Variants in TLN2 observed in about 807,000 individuals in gnomAD.
The protein encoded by TLN2 is talin-2.
TLN2 carries 118 observed loss-of-function variants against 294.7 expected under a neutral mutation model. That is an observed-to-expected ratio of 0.40 (90% confidence interval 0.34 to 0.47). The LOEUF is 0.47. TLN2 is among the 20% of genes least tolerant of loss of function. The probability of loss-of-function intolerance (pLI) is 0.84; values close to 1 mark genes in which losing one functional copy is unlikely to be tolerated. For missense variants in TLN2, 3,083 were observed against 3,282.2 expected, an observed-to-expected ratio of 0.94 and a Z score of 1.48; for synonymous variants, 1,431 against 1,304.5, an observed-to-expected ratio of 1.10 and a Z score of -2.09.
intron 1 of TLN2, among the ~76,000 whole-genome samples, chr15:62,404,507 C>T (rs560802037): frequency 1.8e-4 from 27 of 152,250 alleles, no homozygotes; most frequent in East Asian, 3.9e-4. Flanking sequence ...GCCCTCTCTG[C>T]GCTGCTTTCA....
intron 22 of TLN2, among the ~76,000 whole-genome samples, chr15:62,715,358 A>G (rs184272597): frequency 5.1e-4 from 77 of 152,360 alleles, no homozygotes; most frequent in African/African-American, 1.8e-3. Flanking sequence ...GAAAGCGTTC[A>G]TAGGAAGAAA....
chr15:62,404,077 G>C (rs2033225492), intron 1 of TLN2, among the ~76,000 whole-genome samples: 1 of 152,220 alleles, frequency 6.6e-6, no homozygotes, highest in Non-Finnish European at 1.5e-5. Flanking sequence ...TGAGGGAATG[G>C]AAGTCTTTTC....
chr15:62,786,700 C>T (rs1347346603), intron 45 of TLN2, among the ~76,000 whole-genome samples: 1 of 152,122 alleles, frequency 6.6e-6, no homozygotes, highest in Non-Finnish European at 1.5e-5. Flanking sequence ...GCCCTTTCCC[C>T]CAGATGAAAT....
intron 1 of TLN2, among the ~76,000 whole-genome samples, chr15:62,580,414 C>CGCTCCCTCCCTCCCTCCCTT (rs2044844602): frequency 7.0e-6 from 1 of 143,708 alleles, no homozygotes; most frequent in Admixed American, 6.9e-5. Context: ...CTCCCTCCCT[C>CGCTCCCTCCCTCCCTCCCTT]CCTCCCTCCC....
intron 57 of TLN2, 151 bp downstream of exon 57, chr15:62,836,224 A>G (rs980479472): frequency 2.8e-6 from 3 of 1,073,458 alleles, no homozygotes; most frequent in Non-Finnish European, 4.0e-6. Flanking sequence ...GCGTGCGTCC[A>G]TGCATCCTCC....
chr15:62,714,446 C>T (rs184599259), intron 22 of TLN2, among the ~76,000 whole-genome samples: 3 of 152,128 alleles, frequency 2.0e-5, no homozygotes, highest in African/African-American at 7.2e-5. Flanking sequence ...TTGTGATCCA[C>T]CCGCCTCGGC....
intron 1 of TLN2, among the ~76,000 whole-genome samples, chr15:62,491,104 C>T (rs936021759): frequency 6.6e-6 from 1 of 152,056 alleles, no homozygotes; most frequent in Admixed American, 6.6e-5. Flanking sequence ...GGCAGATCAC[C>T]TGAGGTCAGG....
chr15:62,429,555 G>T (rs760156505), intron 1 of TLN2, among the ~76,000 whole-genome samples: 1 of 152,048 alleles, frequency 6.6e-6, no homozygotes, highest in African/African-American at 2.4e-5. Flanking sequence ...CACTCTGGCC[G>T]ATGTATTTAA....
At chr15:62,398,953 G>C (rs2032784765) in intron 1 of TLN2, among the ~76,000 whole-genome samples, 1 of 152,146 alleles carries the variant, frequency 6.6e-6, no homozygotes, top group Non-Finnish European at 1.5e-5. Context: ...AGGCCTAGGA[G>C]GGAAAAATGG....
chr15:62,802,359 G>A lies in TLN2; in HGVS notation c.6477+1590G>A, dbSNP rs576424129. Among the ~76,000 whole-genome samples, 85 of 151,132 alleles carry A rather than the reference G, an allele frequency of 5.6e-4. 3 individuals are homozygous for A. The South Asian group carries it at 0.017, about 31-fold the overall frequency. On this transcript the variant is annotated intron_variant, in intron 50 of 58. Coordinates refer to ENST00000636159, the MANE Select transcript of TLN2 (RefSeq NM_015059.3). The stretch of plus-strand genomic sequence containing the variant: ...ATGTGTACCACAGTAGCCAAGATTT[G>A]GAAGCAACCTAAGTGTCCATCAACA...
intron 1 of TLN2, among the ~76,000 whole-genome samples, chr15:62,543,753 CAAAA>C (rs11386820): frequency 1.8e-5 from 2 of 110,106 alleles, no homozygotes; most frequent in Non-Finnish European, 2.0e-5. Flanking sequence ...GATTCTGTCT[CAAAA>C]AAAAAAAAAA....
At position 62,762,323 on chromosome 15, in the gene TLN2, A is replaced by C. The variant is rs1406674251; in HGVS notation, c.4831A>C (p.Ser1611Arg). 6.2e-7 allele frequency: 1 copy of C among 1,614,092 alleles called. No homozygotes were observed. The highest frequency in any genetic ancestry group is 8.5e-7 in the Non-Finnish European group (1 of 1,180,018). ...ILVSAKTMLE[S>R]SSYLIRTARS... ...GGTCTCAGCCAAGACCATGCTGGAG[A>C]GTTCATCGTACCTCATTCGCACTGC... Residue 1611 changes from serine to arginine, a missense_variant, in exon 39 of 59, where the codon AGT becomes CGT. Physicochemically the swap from Ser to Arg is moderately radical, Grantham distance 110. Coordinates refer to ENST00000636159, the MANE Select transcript of TLN2 (RefSeq NM_015059.3).
chr15:62,600,903 T>G (rs2140779466), intron 2 of TLN2, among the ~76,000 whole-genome samples: 1 of 152,354 alleles, frequency 6.6e-6, no homozygotes, highest in Non-Finnish European at 1.5e-5. Flanking sequence ...GTAAACGTTA[T>G]TAATATTTTC....
At position 62,680,616 on chromosome 15, in the gene TLN2, G is replaced by GT. The variant is rs1228927104; in HGVS notation, c.957+5303dup. Among the ~76,000 whole-genome samples, 8 of 150,840 alleles carry GT rather than the reference G, an allele frequency of 5.3e-5. No individual in the cohort carries two copies. In the South Asian group the frequency reaches 8.4e-4, roughly 16 times the overall value. On this transcript the variant is annotated intron_variant, in intron 11 of 58. Transcript: ENST00000636159. ...TTTCAATAGCTTTTGGGGTATAAGCGTTTTTTTTGTTACATGGGTGAATTA... is the reference window on the plus strand; with the variant it reads ...TTTCAATAGCTTTTGGGGTATAAGCGTTTTTTTTTGTTACATGGGTGAATTA...
chr15:62,660,166 A>G (rs2053659796), intron 9 of TLN2, among the ~76,000 whole-genome samples: 1 of 152,218 alleles, frequency 6.6e-6, no homozygotes, highest in Non-Finnish European at 1.5e-5. Context: ...GAATGTGAAC[A>G]AGGGCATATC....
At chr15:62,633,892 T>C (rs2050144287) in intron 3 of TLN2, among the ~76,000 whole-genome samples, 1 of 152,182 alleles carries the variant, frequency 6.6e-6, no homozygotes, top group Non-Finnish European at 1.5e-5. Context: ...CTCTGAAGGC[T>C]GTGAGGGAAG....
intron 19 of TLN2, among the ~76,000 whole-genome samples, chr15:62,706,410 G>C (rs888522071): frequency 6.6e-6 from 1 of 152,234 alleles, no homozygotes; most frequent in Non-Finnish European, 1.5e-5. Flanking sequence ...CTTATAGCTA[G>C]TGTATTTATA....
chr15:62,616,117 AT>A (rs2048299323), intron 2 of TLN2, among the ~76,000 whole-genome samples: 1 of 152,154 alleles, frequency 6.6e-6, no homozygotes, highest in Admixed American at 6.5e-5. Flanking sequence ...TTCTGTAAAA[AT>A]ATTTTCAAAG....
At chr15:62,833,752 A>G in intron 55 of TLN2, 123 bp downstream of exon 55, 1 of 1,382,982 alleles carries the variant, frequency 7.2e-7, no homozygotes, top group South Asian at 1.5e-5. Context: ...CCCTCCCTGA[A>G]TTGCCACTCT....
Sources: gnomAD v4.1 joint callset for allele counts (sites outside exome capture counted in the v4.1 genomes callset) on GRCh38, gnomAD v4.1.1 for gene constraint, MANE v1.5 for transcripts, NCBI Gene and HGNC (gene_info 2026-07-23, HGNC 2026-07-21) for gene names.